Variants in CCZ1B observed in about 807,000 individuals in gnomAD.
CCZ1B encodes the protein CCZ1B vacuolar protein trafficking and biogenesis associated, also known as vacuolar fusion protein CCZ1 homolog B.
In CCZ1B, 25 loss-of-function variants were observed where a neutral mutation model predicts 58.8. The observed-to-expected ratio is 0.43, with a 90% CI of 0.31 to 0.59. The LOEUF (loss-of-function observed/expected upper bound fraction) is 0.59, where lower values mean the gene tolerates loss of function less well. Ranked by LOEUF, CCZ1B falls within the 20% of genes least tolerant of loss-of-function variation. The pLI is 0.12. For synonymous variants in CCZ1B, 66 were observed against 173.2 expected (o/e 0.38, Z 4.86); for missense variants, 180 against 501.5 (o/e 0.36, Z 6.12).
chr7:6,799,365 A>G lies in CCZ1B; in HGVS notation c.1394-86T>C. The G allele has an allele frequency of 1.0e-5, 8 of 790,612 alleles. 1 individual carries two copies. Among genetic ancestry groups the G allele is most frequent in the Non-Finnish European group, 1.3e-5 (8 of 606,508 alleles). 49.0% of individuals were successfully genotyped at this position (790,612 alleles called of 1,614,324 possible). ...TATAATTAAATTCTTCTTGGGTAAA[A>G]TTAGGAAGAGAGATTTGCATTGATT... is the stretch of plus-strand genomic sequence containing the variant. On this transcript the variant is annotated intron_variant, in intron 14 of 14. Transcript: ENST00000316731.
chr7:6,800,455 G>A (rs1328374816), intron 14 of CCZ1B, among the ~76,000 whole-genome samples: 3 of 139,446 alleles, frequency 2.2e-5, no homozygotes, highest in African/African-American at 5.5e-5. Context: ...TGGAGTTTGA[G>A]CCCAGCCTGT....
chr7:6,821,201 G>A (rs528543023), intron 6 of CCZ1B, among the ~76,000 whole-genome samples: 2 of 150,080 alleles, frequency 1.3e-5, no homozygotes, highest in South Asian at 2.1e-4. Flanking sequence ...TAGTAGAGAC[G>A]AGGTTTCACC....
rs1002129660 is a variant in CCZ1B, at chr7:6,810,397, T to C, written c.954+1555A>G. Among the ~76,000 whole-genome samples the C allele has an allele frequency of 4.0e-5, 6 of 149,436 alleles. 1 individual carries two copies. The highest frequency in any genetic ancestry group is 1.5e-4 in the African/African-American group (6 of 39,556). On this transcript the variant is annotated intron_variant, in intron 10 of 14. Transcript: ENST00000316731. The stretch of plus-strand genomic sequence containing the variant: ...CTCAAATTCATTTTCTCTCAGAACT[T>C]TGAAAGTCTCTCTTCCACTGTCACA...
rs371256007 is a variant in CCZ1B, at chr7:6,813,732, A to G, written c.781-695T>C. Reference sequence around the variant, plus strand: ...AAATTAAGTACTAGAGTGGAAAGCCAGGTAGGCACTAAAACATCTACTGAA... The same window carrying G: ...AAATTAAGTACTAGAGTGGAAAGCCGGGTAGGCACTAAAACATCTACTGAA... On this transcript the variant is annotated intron_variant, in intron 8 of 14. Transcript: ENST00000316731. 5.3e-5 allele frequency among the ~76,000 whole-genome samples: 8 copies of G among 149,596 alleles called. 2 individuals carry two copies. Among genetic ancestry groups the G allele is most frequent in the South Asian group, 2.1e-4 (1 of 4,738 alleles).
intron 3 of CCZ1B, 122 bp downstream of exon 3, chr7:6,824,333 C>G (rs1294924552): frequency 5.4e-6 from 7 of 1,307,058 alleles, no homozygotes; most frequent in Admixed American, 2.9e-5. Flanking sequence ...AAAATTGCAA[C>G]CAATTTTATT....
At chr7:6,816,486 A>G (rs1381623508) in intron 7 of CCZ1B, among the ~76,000 whole-genome samples, 1 of 104,216 alleles carries the variant, frequency 9.6e-6, no homozygotes, top group East Asian at 2.1e-4. Flanking sequence ...CTCAGTCTCA[A>G]AAAAAAAAAA....
chr7:6,801,588 A>AT (rs1782767053), intron 12 of CCZ1B, 65 bp from the exon 13 acceptor site: 1 of 55,820 alleles, frequency 1.8e-5, no homozygotes, highest in African/African-American at 1.7e-4. Context: ...TTCTTTTAAA[A>AT]TTTTTTTGAG....
chr7:6,803,880 C>T (rs1409762045), intron 12 of CCZ1B, among the ~76,000 whole-genome samples: 4 of 147,892 alleles, frequency 2.7e-5, no homozygotes, highest in Non-Finnish European at 3.0e-5. Flanking sequence ...ACCTGGGAGG[C>T]GGAGGTTGCA....
At chr7:6,820,704 T>C (rs1783095257) in intron 6 of CCZ1B, among the ~76,000 whole-genome samples, 1 of 148,766 alleles carries the variant, frequency 6.7e-6, no homozygotes, top group South Asian at 2.2e-4. Context: ...GGCACATCAC[T>C]TGAGGTCAGG....
At chr7:6,823,111 A>G (rs1783137360) in intron 5 of CCZ1B, among the ~76,000 whole-genome samples, 1 of 148,886 alleles carries the variant, frequency 6.7e-6, no homozygotes, top group Non-Finnish European at 1.5e-5. Flanking sequence ...TAAGGCTGAG[A>G]AAAGAGAAGG....
chr7:6,821,614 G>A (rs1378799663), intron 6 of CCZ1B, among the ~76,000 whole-genome samples: 1 of 151,344 alleles, frequency 6.6e-6, no homozygotes, highest in African/African-American at 2.5e-5. Flanking sequence ...TAGGCTAGGC[G>A]AGTTGGCTCA....
intron 7 of CCZ1B, among the ~76,000 whole-genome samples, chr7:6,816,713 T>A (rs1783005828): frequency 6.6e-6 from 1 of 150,886 alleles, no homozygotes; most frequent in Non-Finnish European, 1.5e-5. Context: ...TTTTTGGTAT[T>A]TAATATAACA....
intron 7 of CCZ1B, among the ~76,000 whole-genome samples, chr7:6,818,711 A>AAAGAAAGAAAGAAAGAAAGAAAG (rs1562431518): frequency 1.9e-5 from 2 of 103,350 alleles, no homozygotes; most frequent in African/African-American, 7.2e-5. Context: ...AGAAAGAAAG[A>AAAGAAAGAAAGAAAGAAAGAAAG]CAAGAAAGAA....
chr7:6,812,183 G>A, intron 9 of CCZ1B, 120 bp from the exon 10 acceptor site: 1 of 1,135,046 alleles, frequency 8.8e-7, no homozygotes, highest in South Asian at 1.3e-5. Flanking sequence ...CTGCTATTTG[G>A]CAAACACCAT....
Position 6,806,418 on chromosome 7 carries a change from A to AT in CCZ1B, c.955-382dup, listed in dbSNP as rs1221509993. The AT allele has an allele frequency of 3.3e-5, 6 of 184,546 alleles. 2 individuals are homozygous for AT. Among genetic ancestry groups the AT allele is most frequent in the African/African-American group, 2.4e-4 (6 of 24,682 alleles). The allele number at this position is 184,546 out of a possible 1,614,324, so 11.4% of individuals were successfully genotyped here. A position where few individuals can be genotyped will look rare whatever the true frequency, so the allele number is the denominator to read the frequency against. On this transcript the variant is annotated intron_variant, in intron 10 of 14. Coordinates refer to ENST00000316731, the MANE Select transcript of CCZ1B (RefSeq NM_198097.5). ...GTTCACTGTTCTAATCTCTCTGTGT[A>AT]TAGTCCAGAGAGAATAGAGAATTGG...
intron 7 of CCZ1B, among the ~76,000 whole-genome samples, chr7:6,819,147 G>A (rs867388757): frequency 0.01 from 896 of 86,670 alleles, 23 homozygotes; most frequent in South Asian, 0.058. Context: ...AAAAAAAAAA[G>A]GTATAAAAAT....
At chr7:6,823,719 A>G (rs1783151478) in intron 4 of CCZ1B, 4 of 440,052 alleles carry the variant, frequency 9.1e-6, no homozygotes, top group South Asian at 3.3e-5. Flanking sequence ...GGGTTCCGCC[A>G]TATTGGCCAG....
intron 8 of CCZ1B, among the ~76,000 whole-genome samples, chr7:6,814,204 T>C (rs1175884704): frequency 2.7e-5 from 4 of 148,658 alleles, no homozygotes; most frequent in African/African-American, 5.1e-5. Flanking sequence ...TAAAATAAAA[T>C]CCAATTTTCC....
intron 9 of CCZ1B, 105 bp downstream of exon 9, chr7:6,812,870 TG>T (rs1454192232): frequency 6.5e-7 from 1 of 1,545,218 alleles, no homozygotes; most frequent in African/African-American, 1.5e-5. Context: ...GAGGTTGCAG[TG>T]AGCGGAGATC....
Sources: gnomAD v4.1 joint callset for allele counts (sites outside exome capture counted in the v4.1 genomes callset) on GRCh38, gnomAD v4.1.1 for gene constraint, MANE v1.5 for transcripts, NCBI Gene and HGNC (gene_info 2026-07-23, HGNC 2026-07-21) for gene names.